Variants in B3GALT1 observed in about 807,000 individuals in gnomAD.
The protein encoded by B3GALT1 is beta-1,3-galactosyltransferase 1.
Under a neutral mutation model 23.2 loss-of-function variants are expected in B3GALT1, and 10 were observed. The observed-to-expected ratio is 0.43, with a 90% CI of 0.27 to 0.73. The LOEUF (loss-of-function observed/expected upper bound fraction) is 0.73. B3GALT1 is among the 30% of genes least tolerant of loss of function. The probability of loss-of-function intolerance (pLI) is 0.21; values close to 1 mark genes in which losing one functional copy is unlikely to be tolerated. For missense variants in B3GALT1, 299 were observed against 405.4 expected, an observed-to-expected ratio of 0.74 and a Z score of 2.25; for synonymous variants, 156 against 141.5, an observed-to-expected ratio of 1.10 and a Z score of -0.73.
intron 1 of B3GALT1, among the ~76,000 whole-genome samples, chr2:167,347,822 C>T (rs73017772): frequency 0.02 from 3,120 of 152,208 alleles, 96 homozygotes; most frequent in East Asian, 0.072. Flanking sequence ...GGAAACAAAA[C>T]AATTCACTTA....
chr2:167,618,628 T>A (rs1429319460), intron 2 of B3GALT1, among the ~76,000 whole-genome samples: 1 of 152,066 alleles, frequency 6.6e-6, no homozygotes, highest in Non-Finnish European at 1.5e-5. Flanking sequence ...AAAAAATTTC[T>A]AGTCTAGGTC....
intron 2 of B3GALT1, among the ~76,000 whole-genome samples, chr2:167,495,141 G>C (rs1426010304): frequency 6.6e-6 from 1 of 152,082 alleles, no homozygotes; most frequent in Non-Finnish European, 1.5e-5. Context: ...TTATTTGGGA[G>C]GGCCTTCTAG....
intron 1 of B3GALT1, among the ~76,000 whole-genome samples, chr2:167,465,800 C>T (rs960271637): frequency 6.6e-6 from 1 of 152,054 alleles, no homozygotes; most frequent in Non-Finnish European, 1.5e-5. Context: ...AACACAATAG[C>T]ACCAAGTGAT....
chr2:167,780,767 T>C (rs976751292), intron 3 of B3GALT1, among the ~76,000 whole-genome samples: 2 of 152,234 alleles, frequency 1.3e-5, no homozygotes, highest in African/African-American at 2.4e-5. Context: ...TGAAACTTGA[T>C]TTCTGCTCTG....
intron 3 of B3GALT1, among the ~76,000 whole-genome samples, chr2:167,762,370 T>C (rs1448990393): frequency 6.6e-6 from 1 of 152,150 alleles, no homozygotes; most frequent in East Asian, 1.9e-4. Context: ...ATTACAATTA[T>C]ATTTTGAGAG....
chr2:167,787,302 A>T (rs12620273), intron 3 of B3GALT1, among the ~76,000 whole-genome samples: 8,130 of 152,246 alleles, frequency 0.053, 240 homozygotes, highest in South Asian at 0.085. Context: ...GGTTTATATC[A>T]GGAAGTTTAT....
intron 3 of B3GALT1, among the ~76,000 whole-genome samples, chr2:167,794,640 C>T (rs1443789251): frequency 6.6e-6 from 1 of 152,166 alleles, no homozygotes; most frequent in Admixed American, 6.5e-5. Context: ...ATTAGTAAAG[C>T]CCCTTTGATG....
intron 2 of B3GALT1, among the ~76,000 whole-genome samples, chr2:167,519,364 C>T (rs1258062215): frequency 6.6e-6 from 1 of 151,982 alleles, no homozygotes; most frequent in Non-Finnish European, 1.5e-5. Flanking sequence ...TGAGCAATAC[C>T]AAACTTAAAA....
rs137975850 is a variant in B3GALT1 at position 167,473,584 on chromosome 2, C to T, written c.-510-16593C>T. 2.6e-5 allele frequency among the ~76,000 whole-genome samples: 4 copies of T among 152,236 alleles called. No individual in the cohort carries two copies. The East Asian group carries it at 7.7e-4, about 29-fold the overall frequency. The stretch of plus-strand genomic sequence containing the variant: ...ATAGAGTGTTCCCAGACTCCCCCTG[C>T]CACCTGGAGCCAAGGTTCTTTTCTT... On this transcript the variant is annotated intron_variant, in intron 1 of 4. Coordinates refer to ENST00000392690, the MANE Select transcript of B3GALT1 (RefSeq NM_020981.4).
At chr2:167,535,837 T>G (rs114410287) in intron 2 of B3GALT1, among the ~76,000 whole-genome samples, 2,371 of 152,270 alleles carry the variant, frequency 0.016, 66 homozygotes, top group African/African-American at 0.053. Flanking sequence ...ATTTAAATAG[T>G]GTACAGGGTC....
At chr2:167,405,306 T>G (rs1559086706) in intron 1 of B3GALT1, among the ~76,000 whole-genome samples, 2 of 152,166 alleles carry the variant, frequency 1.3e-5, no homozygotes, top group East Asian at 3.8e-4. Context: ...AAAAGGACTA[T>G]GTTTTAATAA....
rs1206633729 is a variant in B3GALT1 at position 167,533,321 on chromosome 2, ACTC to A, written c.-410+43047_-410+43049del. On this transcript the variant is annotated intron_variant, in intron 2 of 4. Transcript: ENST00000392690. Reference sequence around the variant, plus strand: ...TTTCTCATATGTACTTTTTATTTCTACTCCTAGTTTTCTGAGAGTTTTTTTTTA... The same window carrying A: ...TTTCTCATATGTACTTTTTATTTCTACTAGTTTTCTGAGAGTTTTTTTTTA... 2.8e-5 allele frequency among the ~76,000 whole-genome samples: 4 copies of A among 143,554 alleles called. No homozygotes were observed. In the East Asian group the frequency reaches 6.8e-4, roughly 24 times the overall value. The allele number at this position is 143,554 out of a possible 152,430, so 94.2% of individuals were successfully genotyped here.
intron 1 of B3GALT1, among the ~76,000 whole-genome samples, chr2:167,444,377 C>T (rs1698947529): frequency 6.6e-6 from 1 of 152,126 alleles, no homozygotes; most frequent in Non-Finnish European, 1.5e-5. Flanking sequence ...TGATCCTGGC[C>T]TCATACAATG....
chr2:167,551,419 A>C (rs1683743762), intron 2 of B3GALT1, among the ~76,000 whole-genome samples: 1 of 152,194 alleles, frequency 6.6e-6, no homozygotes, highest in East Asian at 1.9e-4. Flanking sequence ...AAGGCAATGT[A>C]AGTGTTGATA....
At chr2:167,489,645 T>C (rs533542608) in intron 1 of B3GALT1, among the ~76,000 whole-genome samples, 1 of 152,288 alleles carries the variant, frequency 6.6e-6, no homozygotes, top group South Asian at 2.1e-4. Context: ...AGTATTATTA[T>C]AGACTTGATG....
At chr2:167,595,476 C>G (rs1209293790) in intron 2 of B3GALT1, among the ~76,000 whole-genome samples, 1 of 151,790 alleles carries the variant, frequency 6.6e-6, no homozygotes, top group Admixed American at 6.6e-5. Context: ...AAATATTGTG[C>G]CTTCCTCCAC....
At chr2:167,383,606 A>AT (rs978986969) in intron 1 of B3GALT1, among the ~76,000 whole-genome samples, 9 of 152,198 alleles carry the variant, frequency 5.9e-5, no homozygotes, top group Admixed American at 5.9e-4. Flanking sequence ...CTCCACTGAG[A>AT]TGGGATCAGG....
At chr2:167,454,151 CA>C (rs1262045864) in intron 1 of B3GALT1, among the ~76,000 whole-genome samples, 7 of 152,110 alleles carry the variant, frequency 4.6e-5, no homozygotes, top group Non-Finnish European at 1.0e-4. Flanking sequence ...ATTCTCTATA[CA>C]AAAGTGCAGA....
At chr2:167,357,981 A>G (rs965081324) in intron 1 of B3GALT1, among the ~76,000 whole-genome samples, 4 of 152,322 alleles carry the variant, frequency 2.6e-5, no homozygotes, top group African/African-American at 9.6e-5. Flanking sequence ...TTATTTGAAT[A>G]TATCTTCACA....
Sources: allele counts gnomAD v4.1 joint callset (sites outside exome capture counted in the v4.1 genomes callset), GRCh38; gene constraint gnomAD v4.1.1; transcripts MANE v1.5; gene names NCBI Gene and HGNC (gene_info 2026-07-23, HGNC 2026-07-21).